FGF7: variants seen among roughly 807,000 people sequenced by gnomAD.
The protein encoded by FGF7 is fibroblast growth factor 7.
A neutral mutation model predicts 20.5 loss-of-function variants in FGF7; 6 were observed. The observed-to-expected ratio is 0.29, with a 90% confidence interval of 0.16 to 0.58. FGF7 has a LOEUF of 0.58. Among genes scored for constraint, FGF7 ranks in the 20% least tolerant of loss-of-function variants. FGF7 has a pLI of 0.90. For synonymous variants in FGF7, 64 were observed against 74.7 expected (o/e 0.86, Z 0.74); for missense variants, 144 against 228.8 (o/e 0.63, Z 2.39).
intron 2 of FGF7, among the ~76,000 whole-genome samples, chr15:49,427,477 C>T (rs2050225506): frequency 6.6e-6 from 1 of 151,936 alleles, no homozygotes; most frequent in African/African-American, 2.4e-5. Flanking sequence ...ATTTTTTCAA[C>T]AGGTTGTCAT....
At chr15:49,473,142 G>T (rs765346317) in intron 2 of FGF7, among the ~76,000 whole-genome samples, 11 of 152,046 alleles carry the variant, frequency 7.2e-5, no homozygotes, top group Non-Finnish European at 1.5e-4. Context: ...ATTTAGAAAA[G>T]AATGGTTTGA....
At chr15:49,444,642 A>T (rs895201791) in intron 2 of FGF7, among the ~76,000 whole-genome samples, 3 of 151,728 alleles carry the variant, frequency 2.0e-5, no homozygotes, top group African/African-American at 7.2e-5. Context: ...AAGTTGAATC[A>T]GGAACCTTCT....
At chr15:49,427,891 T>C (rs1031371414) in intron 2 of FGF7, among the ~76,000 whole-genome samples, 36 of 152,006 alleles carry the variant, frequency 2.4e-4, no homozygotes, top group African/African-American at 8.2e-4. Context: ...TGCTCATGTC[T>C]CATAACTTTA....
intron 2 of FGF7, among the ~76,000 whole-genome samples, chr15:49,442,452 T>C (rs368389492): frequency 6.6e-6 from 1 of 151,812 alleles, no homozygotes; most frequent in East Asian, 2.0e-4. Context: ...GGCATTACTG[T>C]TATGATTTTC....
intron 2 of FGF7, among the ~76,000 whole-genome samples, chr15:49,441,605 A>G (rs1362484098): frequency 6.6e-6 from 1 of 151,594 alleles, no homozygotes; most frequent in Non-Finnish European, 1.5e-5. Flanking sequence ...ATTTCATGAC[A>G]TGGTATAATT....
At position 49,487,636 on chromosome 15, in the gene FGF7, C is replaced by T. The variant is rs1173336032; in HGVS notation, c.*3132C>T. On this transcript the variant is annotated 3_prime_UTR_variant, in exon 4 of 4. Coordinates refer to ENST00000267843, the MANE Select transcript of FGF7 (RefSeq NM_002009.4). ...AAAAGCAATCCTATAACAAGAAAAA[C>T]TCTAAAACAGTGCCCCTTACGATTT... 4 of 151,956 alleles carry T rather than the reference C, an allele frequency of 2.6e-5. No homozygotes were observed. Among genetic ancestry groups the T allele is most frequent in the Non-Finnish European group, 5.9e-5 (4 of 67,874 alleles). The allele number at this position is 151,956 out of a possible 1,614,324, so 9.4% of individuals were successfully genotyped here.
At chr15:49,461,079 C>A (rs375372878) in intron 2 of FGF7, among the ~76,000 whole-genome samples, 3 of 152,066 alleles carry the variant, frequency 2.0e-5, no homozygotes, top group Non-Finnish European at 4.4e-5. Context: ...TAGTCTATTT[C>A]CTTCTAGTAT....
chr15:49,484,102 G>A (rs2056190972), intron 3 of FGF7, among the ~76,000 whole-genome samples: 1 of 151,916 alleles, frequency 6.6e-6, no homozygotes, highest in African/African-American at 2.4e-5. Flanking sequence ...GTATTATGTG[G>A]TGTTTTTATT....
intron 2 of FGF7, among the ~76,000 whole-genome samples, chr15:49,453,388 G>A (rs1329606198): frequency 6.6e-6 from 1 of 151,982 alleles, no homozygotes; most frequent in Non-Finnish European, 1.5e-5. Flanking sequence ...ACAGGCATGC[G>A]CCACCGTGCC....
intron 2 of FGF7, among the ~76,000 whole-genome samples, chr15:49,460,126 T>C (rs1352141016): frequency 6.6e-6 from 1 of 152,054 alleles, no homozygotes; most frequent in East Asian, 1.9e-4. Context: ...AGCCAGAGCA[T>C]CAGGTATCAT....
intron 2 of FGF7, among the ~76,000 whole-genome samples, chr15:49,458,256 T>G (rs1015046499): frequency 1.3e-5 from 2 of 151,910 alleles, no homozygotes; most frequent in Admixed American, 6.6e-5. Context: ...TCATTTATAC[T>G]GAATTAATAT....
chr15:49,430,022 C>G (rs962784457), intron 2 of FGF7, among the ~76,000 whole-genome samples: 1 of 151,842 alleles, frequency 6.6e-6, no homozygotes, highest in African/African-American at 2.4e-5. Context: ...TTAACTTGAA[C>G]CCTAGAGGAT....
At chr15:49,427,286 T>G (rs1053971827) in intron 2 of FGF7, among the ~76,000 whole-genome samples, 1 of 152,078 alleles carries the variant, frequency 6.6e-6, no homozygotes, top group Admixed American at 6.6e-5. Flanking sequence ...ATTGTTTACA[T>G]TCCTCAATCA....
chr15:49,455,860 TTTCTTTTTG>T lies in FGF7; in HGVS notation c.287-27289_287-27281del, dbSNP rs554068386. Among the ~76,000 whole-genome samples, 34 of 152,272 alleles carry T rather than the reference TTTCTTTTTG, an allele frequency of 2.2e-4. 1 individual carries two copies. Among genetic ancestry groups the T allele is most frequent in the African/African-American group, 7.9e-4 (33 of 41,570 alleles). ...ATTGAACCATGGCTTTTTTCTTTTTTTTCTTTTTGTACCCAGAAATATGCTCCTCTTAAT... is the reference window on the plus strand; with the variant it reads ...ATTGAACCATGGCTTTTTTCTTTTTTTACCCAGAAATATGCTCCTCTTAAT... On this transcript the variant is annotated intron_variant, in intron 2 of 3. Coordinates refer to ENST00000267843, the MANE Select transcript of FGF7 (RefSeq NM_002009.4).
At chr15:49,477,746 C>A (rs1190708285) in intron 2 of FGF7, among the ~76,000 whole-genome samples, 1 of 152,154 alleles carries the variant, frequency 6.6e-6, no homozygotes, top group Non-Finnish European at 1.5e-5. Flanking sequence ...TTTTAAGAAA[C>A]TGCCAAACTG....
intron 2 of FGF7, among the ~76,000 whole-genome samples, chr15:49,452,378 A>G (rs2052836723): frequency 6.6e-6 from 1 of 152,078 alleles, no homozygotes. Flanking sequence ...AATGCCAGTT[A>G]CCTTACTATT....
At chr15:49,462,555 G>C (rs1039947907) in intron 2 of FGF7, among the ~76,000 whole-genome samples, 11 of 152,152 alleles carry the variant, frequency 7.2e-5, no homozygotes, top group South Asian at 2.1e-4. Flanking sequence ...TTCATTCATT[G>C]TGCATGATCC....
intron 2 of FGF7, among the ~76,000 whole-genome samples, chr15:49,430,681 G>A (rs1380151379): frequency 6.6e-6 from 1 of 151,826 alleles, no homozygotes; most frequent in African/African-American, 2.4e-5. Context: ...ATGTATGAGA[G>A]TAAGAGAGTA....
In FGF7 at chr15:49,424,281, C is replaced by G; in HGVS notation, c.-17C>G. ...TTTCATTATGTTATTCATGAACACC[C>G]GGAGCACTACACTATAATGCACAAA... On this transcript the variant is annotated 5_prime_UTR_variant, in exon 2 of 4. Transcript: ENST00000267843. The G allele has an allele frequency of 6.3e-7, 1 of 1,599,986 alleles. No homozygotes were observed. The highest frequency in any genetic ancestry group is 1.3e-5 in the African/African-American group (1 of 74,684).
Sources: gnomAD v4.1 joint callset for allele counts (sites outside exome capture counted in the v4.1 genomes callset) on GRCh38, gnomAD v4.1.1 for gene constraint, MANE v1.5 for transcripts, NCBI Gene and HGNC (gene_info 2026-07-23, HGNC 2026-07-21) for gene names.